Variants in EPB41L2 observed in about 807,000 individuals in gnomAD.
The protein encoded by EPB41L2 is band 4.1-like protein 2.
In EPB41L2, 43 loss-of-function variants were observed where a neutral mutation model predicts 113.0. The observed-to-expected ratio is 0.38, with a 90% confidence interval of 0.30 to 0.49. The LOEUF (loss-of-function observed/expected upper bound fraction) is 0.49. EPB41L2 is among the 20% of genes least tolerant of loss of function. The pLI is 0.95. For synonymous variants in EPB41L2, 442 were observed against 436.7 expected (o/e 1.01, Z -0.15); for missense variants, 1,147 against 1,223.4 (o/e 0.94, Z 0.93).
chr6:130,969,047 T>C (rs76742321), intron 1 of EPB41L2, among the ~76,000 whole-genome samples: 282 of 152,304 alleles, frequency 1.9e-3, no homozygotes, highest in African/African-American at 6.2e-3. Context: ...CCTGCTATGA[T>C]ACTAAACTAT....
Position 131,053,739 on chromosome 6 carries a change from A to G in EPB41L2, c.-15+9416T>C, listed in dbSNP as rs1403889670. ...GTTTGTCAGTTTGCCAACATTCTAC[A>G]TTTATGAGAAACATTTTGTTGCTTA... On this transcript the variant is annotated intron_variant, in intron 1 of 19. Coordinates refer to ENST00000337057, the MANE Select transcript of EPB41L2 (RefSeq NM_001431.4). Among the ~76,000 whole-genome samples, 4 of 152,234 alleles carry G rather than the reference A, an allele frequency of 2.6e-5. No individual in the cohort carries two copies. In the East Asian group the frequency reaches 7.7e-4, roughly 29 times the overall value.
intron 1 of EPB41L2, among the ~76,000 whole-genome samples, chr6:131,039,058 G>A (rs553181320): frequency 7.9e-5 from 12 of 152,106 alleles, no homozygotes; most frequent in African/African-American, 2.4e-4. Context: ...ATTAGAAAAC[G>A]GTTCTTCACA....
At chr6:130,978,960 A>G (rs1222892069) in intron 1 of EPB41L2, among the ~76,000 whole-genome samples, 1 of 152,212 alleles carries the variant, frequency 6.6e-6, no homozygotes, top group Non-Finnish European at 1.5e-5. Context: ...AAGGACACAG[A>G]ATCATGAAAG....
intron 1 of EPB41L2, among the ~76,000 whole-genome samples, chr6:131,050,382 C>T (rs982334963): frequency 6.6e-6 from 1 of 152,154 alleles, no homozygotes; most frequent in Non-Finnish European, 1.5e-5. Flanking sequence ...TACCAACATA[C>T]TCTGGGGAAA....
intron 1 of EPB41L2, among the ~76,000 whole-genome samples, chr6:131,049,383 T>G (rs945334580): frequency 2.0e-5 from 3 of 152,218 alleles, no homozygotes; most frequent in Non-Finnish European, 2.9e-5. Context: ...TACTTGACAT[T>G]CTGACCTTTC....
chr6:130,942,267 A>G (rs1210350557), intron 3 of EPB41L2, among the ~76,000 whole-genome samples: 1 of 152,192 alleles, frequency 6.6e-6, no homozygotes, highest in Non-Finnish European at 1.5e-5. Flanking sequence ...TCACAGGTGG[A>G]GACAAGATTC....
At chr6:131,061,534 T>TGCAGCCCCCATCAGTGGCTGCAACA (rs1798657939) in intron 1 of EPB41L2, among the ~76,000 whole-genome samples, 1 of 152,178 alleles carries the variant, frequency 6.6e-6, no homozygotes, top group Admixed American at 6.5e-5. Flanking sequence ...TGCATTGCAA[T>TGCAGCCCCCATCAGTGGCTGCAACA]GCAGCCCCCA....
At chr6:130,915,480 T>G (rs1800746836) in intron 4 of EPB41L2, among the ~76,000 whole-genome samples, 1 of 152,240 alleles carries the variant, frequency 6.6e-6, no homozygotes, top group South Asian at 2.1e-4. Flanking sequence ...CAGCAGAACC[T>G]CTTTGTCACC....
At chr6:131,006,286 A>G (rs1584462907) in intron 1 of EPB41L2, among the ~76,000 whole-genome samples, 1 of 151,322 alleles carries the variant, frequency 6.6e-6, no homozygotes, top group African/African-American at 2.4e-5. Context: ...CGAACTCCTG[A>G]CCTCAAATGA....
chr6:131,006,409 C>G (rs896661003), intron 1 of EPB41L2, among the ~76,000 whole-genome samples: 13 of 151,194 alleles, frequency 8.6e-5, no homozygotes, highest in African/African-American at 3.2e-4. Flanking sequence ...CGCCTGTAAT[C>G]CCAACACTTT....
chr6:130,880,527 A>T (rs368813723), intron 12 of EPB41L2: 9 of 623,212 alleles, frequency 1.4e-5, no homozygotes, highest in South Asian at 1.3e-4. Flanking sequence ...AAAGAAGGGG[A>T]GTATTAGTGG....
chr6:130,936,473 TA>T (rs1254890137), intron 3 of EPB41L2, among the ~76,000 whole-genome samples: 2 of 152,216 alleles, frequency 1.3e-5, no homozygotes, highest in Non-Finnish European at 2.9e-5. Context: ...TTCTTACTTG[TA>T]AAAGTACTAA....
At chr6:131,061,671 AG>A (rs1798676558) in intron 1 of EPB41L2, among the ~76,000 whole-genome samples, 1 of 152,220 alleles carries the variant, frequency 6.6e-6, no homozygotes, top group African/African-American at 2.4e-5. Context: ...TCTAAATCCT[AG>A]CCCCTGCAGC....
chr6:130,896,448 G>A (rs1794684660), intron 8 of EPB41L2, among the ~76,000 whole-genome samples: 1 of 152,180 alleles, frequency 6.6e-6, no homozygotes, highest in Non-Finnish European at 1.5e-5. Context: ...CATGGCCACC[G>A]GGAGCAAGGC....
chr6:130,895,240 T>G, intron 8 of EPB41L2, 121 bp from the exon 9 acceptor site: 1 of 1,167,504 alleles, frequency 8.6e-7, no homozygotes, highest in Non-Finnish European at 1.2e-6. Flanking sequence ...GTATTTAAAG[T>G]TTAGTGACAA....
At chr6:130,954,825 C>A (rs1039897624) in intron 3 of EPB41L2, among the ~76,000 whole-genome samples, 16 of 152,202 alleles carry the variant, frequency 1.1e-4, no homozygotes, top group African/African-American at 3.6e-4. Flanking sequence ...TCAAGAAAAA[C>A]ATCTTCTAGC....
At chr6:130,841,006 C>T (rs1775294112) in intron 19 of EPB41L2, among the ~76,000 whole-genome samples, 2 of 152,002 alleles carry the variant, frequency 1.3e-5, no homozygotes, top group South Asian at 4.2e-4. Context: ...TGGAAAAACA[C>T]AATGAGGAAA....
chr6:130,952,331 G>T (rs12661081), intron 3 of EPB41L2, among the ~76,000 whole-genome samples: 1 of 93,830 alleles, frequency 1.1e-5, no homozygotes, highest in East Asian at 2.1e-4. Flanking sequence ...TCTTACACAA[G>T]GAAACATGTC....
chr6:130,926,970 A>T (rs1234476565), intron 3 of EPB41L2, among the ~76,000 whole-genome samples: 1 of 152,220 alleles, frequency 6.6e-6, no homozygotes, highest in East Asian at 1.9e-4. Context: ...CATAAAAAGG[A>T]CGAAAAAGGC....
Sources: gnomAD v4.1 joint callset for allele counts (sites outside exome capture counted in the v4.1 genomes callset) on GRCh38, gnomAD v4.1.1 for gene constraint, MANE v1.5 for transcripts, NCBI Gene and HGNC (gene_info 2026-07-23, HGNC 2026-07-21) for gene names.